Variants in ABI3BP observed in about 807,000 individuals in gnomAD.
ABI3BP encodes the protein ABI family member 3 binding protein, also known as target of Nesh-SH3.
In ABI3BP, 216 loss-of-function variants were observed where a neutral mutation model predicts 268.6. That is an observed-to-expected ratio of 0.80 (90% confidence interval 0.72 to 0.90). The LOEUF is 0.90. Ranked by LOEUF, ABI3BP falls within the 40% of genes least tolerant of loss-of-function variation. ABI3BP has a pLI of 0.00. For synonymous variants in ABI3BP, 730 were observed against 730.0 expected, an observed-to-expected ratio of 1.00 and a Z score of 0.00; for missense variants, 2,090 against 2,182.4, an observed-to-expected ratio of 0.96 and a Z score of 0.84.
At chr3:100,806,397 T>C (rs1236293118) in intron 50 of ABI3BP, among the ~76,000 whole-genome samples, 1 of 152,106 alleles carries the variant, frequency 6.6e-6, no homozygotes, top group Non-Finnish European at 1.5e-5. Flanking sequence ...GGAAGAAGTA[T>C]TAGGATTCAA....
At chr3:100,848,976 T>C (rs1439766598) in intron 17 of ABI3BP, 101 bp from the exon 18 acceptor site, 1 of 892,224 alleles carries the variant, frequency 1.1e-6, no homozygotes, top group Non-Finnish European at 1.8e-6. Context: ...AACTGCTTTA[T>C]ATTTCCTTGT....
intron 59 of ABI3BP, among the ~76,000 whole-genome samples, chr3:100,777,641 A>G (rs1404586957): frequency 3.9e-5 from 6 of 152,202 alleles, no homozygotes; most frequent in Admixed American, 2.6e-4. Context: ...TTGAGGAGTC[A>G]GGGGAGGTTT....
At chr3:100,871,141 A>T (rs764996381) in intron 9 of ABI3BP, among the ~76,000 whole-genome samples, 1 of 151,790 alleles carries the variant, frequency 6.6e-6, no homozygotes, top group East Asian at 1.9e-4. Context: ...AATATTGTAT[A>T]TTGGAAAAGT....
At chr3:100,813,204 A>G (rs1391320740) in intron 45 of ABI3BP, among the ~76,000 whole-genome samples, 1 of 152,098 alleles carries the variant, frequency 6.6e-6, no homozygotes, top group Non-Finnish European at 1.5e-5. Context: ...GAAGGGCAGT[A>G]TGTTTTAAAG....
chr3:100,976,789 C>A (rs185091549), intron 1 of ABI3BP, among the ~76,000 whole-genome samples: 1 of 152,128 alleles, frequency 6.6e-6, no homozygotes. Context: ...AGGTCAGCTA[C>A]GGGGCAGATC....
At chr3:100,886,949 A>G (rs1009725295) in intron 4 of ABI3BP, among the ~76,000 whole-genome samples, 1 of 152,024 alleles carries the variant, frequency 6.6e-6, no homozygotes. Context: ...ATTCATATAT[A>G]CATAAATATA....
At chr3:100,841,742 T>C (rs115748119) in intron 21 of ABI3BP, among the ~76,000 whole-genome samples, 15,487 of 151,778 alleles carry the variant, frequency 0.1, 946 homozygotes, top group Admixed American at 0.18. Context: ...TATAAAATAT[T>C]AGCCAGGGAT....
chr3:100,941,966 CA>C, intron 1 of ABI3BP, among the ~76,000 whole-genome samples: 1 of 152,020 alleles, frequency 6.6e-6, no homozygotes, highest in Non-Finnish European at 1.5e-5. Flanking sequence ...CAACCTCACA[CA>C]ATCAATGATC....
At chr3:100,938,607 T>G (rs2067350065) in intron 1 of ABI3BP, among the ~76,000 whole-genome samples, 1 of 152,138 alleles carries the variant, frequency 6.6e-6, no homozygotes, top group Non-Finnish European at 1.5e-5. Flanking sequence ...ATGACTTTTT[T>G]CTTATCAAAG....
rs568865162 is a variant in ABI3BP, at chr3:100,865,716, G to A, written c.989-809C>T. 4.6e-5 allele frequency among the ~76,000 whole-genome samples: 7 copies of A among 152,278 alleles called. No individual in the cohort carries two copies. In the East Asian group the frequency reaches 1.2e-3, roughly 25 times the overall value. On this transcript the variant is annotated intron_variant, in intron 10 of 67. Transcript: ENST00000471714. Reference sequence around the variant, plus strand: ...AAAACTCTGAGGAGGGTTTGGCAGAGGACTAAAAACATGTAGACTCTCCCA... The same window carrying A: ...AAAACTCTGAGGAGGGTTTGGCAGAAGACTAAAAACATGTAGACTCTCCCA...
chr3:100,898,641 C>T (rs1310250261), intron 4 of ABI3BP, 121 bp downstream of exon 4: 10 of 1,130,630 alleles, frequency 8.8e-6, no homozygotes, highest in Non-Finnish European at 1.1e-5. Context: ...TGACTTTGTT[C>T]CCCTCACACC....
At chr3:100,867,983 C>A (rs1441479743) in intron 9 of ABI3BP, among the ~76,000 whole-genome samples, 2 of 152,122 alleles carry the variant, frequency 1.3e-5, no homozygotes, top group African/African-American at 4.8e-5. Context: ...TGGTATTCCC[C>A]ATTTGAAAGG....
At chr3:100,863,973 A>G in intron 12 of ABI3BP, 29 bp downstream of exon 12, 2 of 1,424,912 alleles carry the variant, frequency 1.4e-6, no homozygotes, top group Non-Finnish European at 1.9e-6. Flanking sequence ...CAAGGTAATA[A>G]TAAAGCTGCA....
intron 47 of ABI3BP, 64 bp from the exon 48 acceptor site, chr3:100,811,341 G>T (rs1336696204): frequency 2.5e-6 from 3 of 1,203,852 alleles, no homozygotes; most frequent in South Asian, 2.9e-5. Context: ...GCATTTTTTT[G>T]AATATCAAAT....
At chr3:100,896,734 C>T (rs1008176047) in intron 4 of ABI3BP, among the ~76,000 whole-genome samples, 20 of 152,112 alleles carry the variant, frequency 1.3e-4, no homozygotes, top group African/African-American at 4.3e-4. Context: ...CATTAGGAAC[C>T]GGAATTATCA....
At chr3:100,960,179 T>C (rs755837563) in intron 1 of ABI3BP, among the ~76,000 whole-genome samples, 1 of 151,790 alleles carries the variant, frequency 6.6e-6, no homozygotes, top group Non-Finnish European at 1.5e-5. Context: ...AGGATAAGAA[T>C]CAAAGTGAAA....
At chr3:100,936,516 T>C (rs1389096756) in intron 1 of ABI3BP, among the ~76,000 whole-genome samples, 1 of 152,122 alleles carries the variant, frequency 6.6e-6, no homozygotes, top group Non-Finnish European at 1.5e-5. Context: ...GAAATCCCTC[T>C]TTTTTTATTG....
chr3:100,856,968 G>A (rs941607849), intron 14 of ABI3BP, among the ~76,000 whole-genome samples: 11 of 152,142 alleles, frequency 7.2e-5, no homozygotes, highest in African/African-American at 1.9e-4. Flanking sequence ...TGCTGCCACC[G>A]TAACTGAAGA....
chr3:100,817,372 T>C (rs1428142081), intron 42 of ABI3BP, 64 bp downstream of exon 42: 6 of 1,158,582 alleles, frequency 5.2e-6, no homozygotes, highest in Non-Finnish European at 7.2e-6. Flanking sequence ...GTGATTATGA[T>C]AATGATGGAA....
Sources: allele counts gnomAD v4.1 joint callset (sites outside exome capture counted in the v4.1 genomes callset), GRCh38; gene constraint gnomAD v4.1.1; transcripts MANE v1.5; gene names NCBI Gene and HGNC (gene_info 2026-07-23, HGNC 2026-07-21).